FBXL20: variants seen among roughly 807,000 people sequenced by gnomAD.
FBXL20 encodes F-box/LRR-repeat protein 20.
FBXL20 carries 11 observed loss-of-function variants against 64.0 expected under a neutral mutation model. The ratio of observed to expected loss-of-function variants is 0.17; its 90% CI spans 0.11 to 0.28. FBXL20 has a LOEUF of 0.28. Among genes scored for constraint, FBXL20 ranks in the 10% least tolerant of loss-of-function variants. The pLI, the probability that FBXL20 is intolerant of heterozygous loss-of-function variation, is 1.00. For missense variants in FBXL20, 303 were observed against 526.2 expected (o/e 0.58, Z 4.15); for synonymous variants, 184 against 189.0 (o/e 0.97, Z 0.22).
chr17:39,277,978 ATTGGT>A (rs1426241014), intron 9 of FBXL20, among the ~76,000 whole-genome samples: 2 of 152,092 alleles, frequency 1.3e-5, no homozygotes, highest in Admixed American at 1.3e-4. Flanking sequence ...ATAAGATAGA[ATTGGT>A]TCTTTACGTT....
intron 1 of FBXL20, among the ~76,000 whole-genome samples, chr17:39,344,643 C>T (rs1015248336): frequency 6.6e-6 from 1 of 151,472 alleles, no homozygotes; most frequent in Non-Finnish European, 1.5e-5. Flanking sequence ...AAAAAAAGTA[C>T]GCAGGTGTGG....
chr17:39,300,612 A>G (rs541645571), intron 4 of FBXL20, among the ~76,000 whole-genome samples: 16 of 152,292 alleles, frequency 1.1e-4, no homozygotes, highest in East Asian at 3.9e-4. Context: ...ACCAAAACAC[A>G]TATCTCAAAA....
chr17:39,343,936 TCAC>T (rs1289249154), intron 1 of FBXL20, among the ~76,000 whole-genome samples: 8 of 152,056 alleles, frequency 5.3e-5, no homozygotes, highest in South Asian at 2.1e-4. Flanking sequence ...CGATCTCGGC[TCAC>T]CACAACTTCT....
chr17:39,279,130 C>T (rs1048357701), intron 9 of FBXL20, among the ~76,000 whole-genome samples: 9 of 151,924 alleles, frequency 5.9e-5, no homozygotes, highest in African/African-American at 1.7e-4. Flanking sequence ...GGCGATACAG[C>T]GAGACTCCGT....
intron 2 of FBXL20, among the ~76,000 whole-genome samples, chr17:39,307,542 A>G (rs1185657805): frequency 6.6e-6 from 1 of 152,228 alleles, no homozygotes; most frequent in Non-Finnish European, 1.5e-5. Context: ...TGTACCAGGT[A>G]TCATTCTAAG....
chr17:39,287,477 A>T (rs2046999185), intron 6 of FBXL20, among the ~76,000 whole-genome samples: 1 of 152,020 alleles, frequency 6.6e-6, no homozygotes, highest in African/African-American at 2.4e-5. Context: ...GCACTATCAT[A>T]ACTCAATGTA....
intron 10 of FBXL20, among the ~76,000 whole-genome samples, chr17:39,274,034 C>T (rs2046869752): frequency 6.6e-6 from 1 of 151,922 alleles, no homozygotes; most frequent in Non-Finnish European, 1.5e-5. Flanking sequence ...ATCGCCATGC[C>T]TGGCTAATTT....
intron 1 of FBXL20, among the ~76,000 whole-genome samples, chr17:39,359,799 T>C (rs779842625): frequency 5.3e-5 from 8 of 152,188 alleles, no homozygotes; most frequent in Admixed American, 2.6e-4. Flanking sequence ...TCCTATTTCT[T>C]CAATTCCTAT....
rs550389912 is a variant in FBXL20 at position 39,319,180 on chromosome 17, AGGAG to A, written c.105-15545_105-15542del. Among the ~76,000 whole-genome samples the A allele has an allele frequency of 4.6e-5, 7 of 151,786 alleles. No individual in the cohort carries two copies. The East Asian group carries it at 1.4e-3, about 30-fold the overall frequency. ...AGGAGAATCGCTTGAACCAGGGAGT[AGGAG>A]GTTGCAGCGAGTTGAGATCGCATCA... On this transcript the variant is annotated intron_variant, in intron 2 of 14. Transcript: ENST00000264658.
intron 1 of FBXL20, among the ~76,000 whole-genome samples, chr17:39,398,110 C>G (rs925487789): frequency 6.8e-6 from 1 of 147,846 alleles, no homozygotes; most frequent in Non-Finnish European, 1.5e-5. Flanking sequence ...GGTGAAACCC[C>G]GTCTCTACTA....
At chr17:39,305,785 A>G (rs1434069008) in intron 2 of FBXL20, among the ~76,000 whole-genome samples, 2 of 152,084 alleles carry the variant, frequency 1.3e-5, no homozygotes, top group Non-Finnish European at 2.9e-5. Flanking sequence ...CAGGAGTTCG[A>G]GACCAGCCTG....
chr17:39,359,095 T>C (rs1052382796), intron 1 of FBXL20, among the ~76,000 whole-genome samples: 3 of 152,224 alleles, frequency 2.0e-5, no homozygotes, highest in Non-Finnish European at 4.4e-5. Flanking sequence ...CCACACCACT[T>C]TGGGAGGCTG....
intron 2 of FBXL20, among the ~76,000 whole-genome samples, chr17:39,309,552 C>T (rs756056420): frequency 2.0e-5 from 3 of 151,916 alleles, no homozygotes; most frequent in Non-Finnish European, 4.4e-5. Flanking sequence ...GTTGCCCAGG[C>T]TGGAGTGCAA....
chr17:39,333,064 A>G (rs2047478079), intron 2 of FBXL20, among the ~76,000 whole-genome samples: 1 of 151,958 alleles, frequency 6.6e-6, no homozygotes, highest in South Asian at 2.1e-4. Context: ...CAGCCTCCCA[A>G]GTAGCTCAGA....
chr17:39,303,652 G>A lies in FBXL20; in HGVS notation c.105-13C>T. ...AAAAGAAAATATCCTAAAAAGAAAA[G>A]AGAGAAAGACAAATTTTATTGTATG... On this transcript the variant is annotated splice_polypyrimidine_tract_variant and intron_variant, in intron 2 of 14. Transcript: ENST00000264658. 6.2e-7 allele frequency: 1 copy of A among 1,602,406 alleles called. No homozygotes were observed. The highest frequency in any genetic ancestry group is 8.5e-7 in the Non-Finnish European group (1 of 1,173,932).
At chr17:39,336,419 G>C (rs77182483) in intron 2 of FBXL20, among the ~76,000 whole-genome samples, 1,860 of 152,244 alleles carry the variant, frequency 0.012, 86 homozygotes, top group Admixed American at 0.087. Flanking sequence ...AACAAAATAA[G>C]CAGTGAGGGT....
intron 1 of FBXL20, among the ~76,000 whole-genome samples, chr17:39,345,065 G>A (rs2047619626): frequency 6.6e-6 from 1 of 152,138 alleles, no homozygotes; most frequent in Non-Finnish European, 1.5e-5. Context: ...AGTAAAAATG[G>A]CACATACACA....
intron 1 of FBXL20, among the ~76,000 whole-genome samples, chr17:39,358,177 A>G (rs2047760493): frequency 6.6e-6 from 1 of 152,190 alleles, no homozygotes; most frequent in Non-Finnish European, 1.5e-5. Context: ...TGAATGTCTC[A>G]GCTCAAGGAG....
chr17:39,260,887 A>C lies in FBXL20; in HGVS notation c.*573T>G, dbSNP rs1281254043. The stretch of plus-strand genomic sequence containing the variant: ...AGGAAACCTCTGGGCCAAATACTAA[A>C]ACACAGGAGGAATGGACGAGCCTTC... On this transcript the variant is annotated 3_prime_UTR_variant, in exon 15 of 15. Coordinates refer to ENST00000264658, the MANE Select transcript of FBXL20 (RefSeq NM_032875.3). 1.9e-5 allele frequency: 3 copies of C among 155,772 alleles called. No individual in the cohort carries two copies. Among genetic ancestry groups the C allele is most frequent in the Admixed American group, 1.9e-4 (3 of 15,998 alleles). The allele number at this position is 155,772 out of a possible 1,614,324, so 9.6% of individuals were successfully genotyped here. A position where few individuals can be genotyped will look rare whatever the true frequency, so the allele number is the denominator to read the frequency against.
Sources: gnomAD v4.1 joint callset for allele counts (sites outside exome capture counted in the v4.1 genomes callset) on GRCh38, gnomAD v4.1.1 for gene constraint, MANE v1.5 for transcripts, NCBI Gene and HGNC (gene_info 2026-07-23, HGNC 2026-07-21) for gene names.